The following PEAK1 variants were observed in gnomAD, a reference collection of about 807,000 sequenced individuals.
The protein encoded by PEAK1 is pseudopodium enriched atypical kinase 1.
PEAK1 carries 54 observed loss-of-function variants against 124.7 expected under a neutral mutation model. The ratio of observed to expected loss-of-function variants is 0.43; its 90% CI spans 0.35 to 0.54. The LOEUF (loss-of-function observed/expected upper bound fraction) is 0.54, where lower values mean the gene tolerates loss of function less well. Ranked by LOEUF, PEAK1 falls within the 20% of genes least tolerant of loss-of-function variation. The pLI is 0.01. For synonymous variants in PEAK1, 719 were observed against 760.0 expected (o/e 0.95, Z 0.89); for missense variants, 2,046 against 2,134.5 (o/e 0.96, Z 0.82).
intron 2 of PEAK1, among the ~76,000 whole-genome samples, chr15:77,313,726 G>GTGTGTATATATATA (rs1462211130): frequency 3.5e-4 from 38 of 108,576 alleles, no homozygotes; most frequent in Admixed American, 6.6e-4. Flanking sequence ...GTGTGTGTGT[G>GTGTGTATATATATA]TATATATATA....
intron 6 of PEAK1, among the ~76,000 whole-genome samples, chr15:77,205,682 A>G (rs1344930037): frequency 1.3e-5 from 2 of 152,180 alleles, no homozygotes; most frequent in Non-Finnish European, 2.9e-5. Context: ...TGTATATGCT[A>G]TTAAATTGTG....
intron 8 of PEAK1, among the ~76,000 whole-genome samples, chr15:77,148,048 G>T (rs550752311): frequency 3.3e-5 from 5 of 152,224 alleles, no homozygotes; most frequent in South Asian, 2.1e-4. Flanking sequence ...ATTCAGTTAT[G>T]AACAAAATAA....
At chr15:77,268,996 C>T (rs181260484) in intron 5 of PEAK1, among the ~76,000 whole-genome samples, 7 of 151,994 alleles carry the variant, frequency 4.6e-5, no homozygotes, top group Non-Finnish European at 7.4e-5. Flanking sequence ...GCCAGCACTA[C>T]GAGCACCGCT....
chr15:77,363,666 T>C (rs1395852439), intron 2 of PEAK1, among the ~76,000 whole-genome samples: 2 of 152,198 alleles, frequency 1.3e-5, no homozygotes, highest in Non-Finnish European at 2.9e-5. Flanking sequence ...AACTCAGCTC[T>C]GTGTCCCCAG....
chr15:77,386,213 T>C (rs1311081227), intron 1 of PEAK1, among the ~76,000 whole-genome samples: 1 of 152,202 alleles, frequency 6.6e-6, no homozygotes, highest in Non-Finnish European at 1.5e-5. Context: ...AACAAGCAAG[T>C]TGCAGAACCA....
At chr15:77,304,872 T>A (rs985913192) in intron 2 of PEAK1, among the ~76,000 whole-genome samples, 1 of 152,084 alleles carries the variant, frequency 6.6e-6, no homozygotes, top group Non-Finnish European at 1.5e-5. Flanking sequence ...CCTAGCCTAC[T>A]TGGACTTGAG....
intron 1 of PEAK1, among the ~76,000 whole-genome samples, chr15:77,411,885 T>G (rs1279149871): frequency 1.3e-5 from 2 of 152,158 alleles, no homozygotes; most frequent in African/African-American, 4.8e-5. Context: ...GAGCTGAGAT[T>G]ACAGGCATGA....
At chr15:77,409,913 A>G (rs917391178) in intron 1 of PEAK1, among the ~76,000 whole-genome samples, 7 of 152,158 alleles carry the variant, frequency 4.6e-5, no homozygotes, top group Admixed American at 2.6e-4. Flanking sequence ...AACTAACATA[A>G]AGTCACATGG....
rs77545975 is a variant in PEAK1, at chr15:77,133,503, G to A, written c.3579C>T (p.Asn1193=). ...MANPTYDIDP[N]WDASSAGSSI... ...AAGAACCAGCACTGCTGGCATCCCA[G>A]TTGGGGTCGATATCATAGGTGGGAT... Residue 1193 remains asparagine, a synonymous_variant, in exon 9 of 10, where the codon AAC becomes AAT. Transcript: ENST00000682557. This position sits in a 1 kb window ranked among gnomAD's most constrained non-coding sequence, Gnocchi z 4.2. 1.5e-3 allele frequency: 2,424 copies of A among 1,614,206 alleles called. 13 individuals are homozygous for A. In the African/African-American group the frequency reaches 0.018, roughly 12 times the overall value.
intron 2 of PEAK1, among the ~76,000 whole-genome samples, chr15:77,289,703 G>A (rs1038748980): frequency 6.6e-6 from 1 of 152,072 alleles, no homozygotes; most frequent in Non-Finnish European, 1.5e-5. Flanking sequence ...GGGCATGGTG[G>A]CACAAGCCTG....
At chr15:77,183,778 A>G (rs892172342) in intron 6 of PEAK1, among the ~76,000 whole-genome samples, 5 of 152,188 alleles carry the variant, frequency 3.3e-5, no homozygotes, top group East Asian at 1.9e-4. Flanking sequence ...GAAAAACCCA[A>G]TAAAAAACAG....
chr15:77,369,840 T>A (rs1304559380), intron 1 of PEAK1, among the ~76,000 whole-genome samples: 1 of 152,182 alleles, frequency 6.6e-6, no homozygotes, highest in Non-Finnish European at 1.5e-5. Context: ...GGTTTCCATC[T>A]TCTGGATCTA....
At chr15:77,383,089 G>A (rs1368081180) in intron 1 of PEAK1, among the ~76,000 whole-genome samples, 1 of 148,206 alleles carries the variant, frequency 6.7e-6, no homozygotes, top group African/African-American at 2.5e-5. Context: ...AGTGGTATGA[G>A]CTCAACTCAC....
chr15:77,222,203 A>G (rs949074284), intron 6 of PEAK1, among the ~76,000 whole-genome samples: 5 of 152,112 alleles, frequency 3.3e-5, no homozygotes, highest in South Asian at 2.1e-4. Flanking sequence ...AAAAATGAAA[A>G]CATACATTTA....
intron 6 of PEAK1, among the ~76,000 whole-genome samples, chr15:77,251,204 T>C (rs1340136269): frequency 6.6e-6 from 1 of 152,200 alleles, no homozygotes; most frequent in Non-Finnish European, 1.5e-5. Flanking sequence ...TATTTGAATC[T>C]TTACAAAACA....
At chr15:77,286,280 T>C (rs2062926979) in intron 3 of PEAK1, 143 bp downstream of exon 3, 6 of 404,094 alleles carry the variant, frequency 1.5e-5, no homozygotes, top group East Asian at 1.1e-4. Context: ...GAAAAGAGCA[T>C]GTCTTATTCA....
intron 6 of PEAK1, among the ~76,000 whole-genome samples, chr15:77,233,422 G>A (rs1454688097): frequency 6.6e-6 from 1 of 152,074 alleles, no homozygotes; most frequent in Non-Finnish European, 1.5e-5. Flanking sequence ...TCTTCCTGGA[G>A]TATTTCCTTC....
intron 2 of PEAK1, among the ~76,000 whole-genome samples, chr15:77,323,819 T>C (rs1439733268): frequency 2.0e-5 from 3 of 152,298 alleles, no homozygotes; most frequent in Non-Finnish European, 2.9e-5. Flanking sequence ...AGAGCCTGCA[T>C]TGCCAAGTCA....
At position 77,230,790 on chromosome 15, in the gene PEAK1, A is replaced by C. The variant is rs185148169; in HGVS notation, c.-115+21577T>G. ...TGAGGTTACAGTGGACTATGATTGT[A>C]CCACTACACTCCAGCCTAGGAGACA... On this transcript the variant is annotated intron_variant, in intron 6 of 9. Transcript: ENST00000682557. Among the ~76,000 whole-genome samples the C allele has an allele frequency of 1.5e-3, 224 of 152,174 alleles. 2 individuals are homozygous for C. The highest frequency in any genetic ancestry group is 1.8e-3 in the Admixed American group (28 of 15,276).
Sources: allele counts gnomAD v4.1 joint callset (sites outside exome capture counted in the v4.1 genomes callset), GRCh38; gene constraint gnomAD v4.1.1; non-coding constraint Gnocchi (gnomAD v3.1); transcripts MANE v1.5; gene names NCBI Gene and HGNC (gene_info 2026-07-23, HGNC 2026-07-21).